The following RAD51B variants were observed in gnomAD, a reference collection of about 807,000 sequenced individuals.
RAD51B encodes DNA repair protein RAD51 homolog 2.
RAD51B carries 38 observed loss-of-function variants against 42.2 expected under a neutral mutation model. That is an observed-to-expected ratio of 0.90 (90% CI 0.70 to 1.18). RAD51B has a LOEUF of 1.18. Among genes scored for constraint, RAD51B ranks in the 50% most tolerant of loss-of-function variants. RAD51B has a pLI of 0.00. For synonymous variants in RAD51B, 154 were observed against 145.2 expected, an observed-to-expected ratio of 1.06 and a Z score of -0.43; for missense variants, 373 against 400.7, an observed-to-expected ratio of 0.93 and a Z score of 0.59.
chr14:68,053,499 G>T (rs897751146), intron 7 of RAD51B, among the ~76,000 whole-genome samples: 11 of 152,160 alleles, frequency 7.2e-5, no homozygotes, highest in Non-Finnish European at 1.5e-4. Flanking sequence ...CTGGCTTCTA[G>T]AAAATGCTCT....
At chr14:68,029,467 C>T (rs774689555) in intron 7 of RAD51B, among the ~76,000 whole-genome samples, 3 of 152,220 alleles carry the variant, frequency 2.0e-5, no homozygotes, top group Non-Finnish European at 2.9e-5. Flanking sequence ...TAAGATAGAT[C>T]CATAACTCTT....
intron 7 of RAD51B, among the ~76,000 whole-genome samples, chr14:68,005,571 G>A (rs75780739): frequency 0.06 from 9,099 of 152,200 alleles, 634 homozygotes; most frequent in African/African-American, 0.17. Flanking sequence ...AGTACTGGTT[G>A]CTGCACATTC....
intron 10 of RAD51B, among the ~76,000 whole-genome samples, chr14:68,627,843 T>C (rs556854219): frequency 6.6e-6 from 1 of 152,372 alleles, no homozygotes; most frequent in East Asian, 1.9e-4. Flanking sequence ...TCATTAATTA[T>C]ACATTTCTTG....
intron 3 of RAD51B, among the ~76,000 whole-genome samples, chr14:67,829,261 G>C (rs1198697292): frequency 3.6e-5 from 4 of 110,388 alleles, no homozygotes; most frequent in African/African-American, 6.7e-5. Context: ...TTTTTTTTTT[G>C]AGACAGAGTC....
intron 7 of RAD51B, among the ~76,000 whole-genome samples, chr14:67,892,741 G>A (rs1013365164): frequency 5.3e-5 from 8 of 152,188 alleles, no homozygotes; most frequent in African/African-American, 1.9e-4. Flanking sequence ...AAATAGCTGA[G>A]GTCATCTGCA....
At chr14:67,972,929 C>A (rs1324494991) in intron 7 of RAD51B, among the ~76,000 whole-genome samples, 1 of 152,072 alleles carries the variant, frequency 6.6e-6, no homozygotes, top group Non-Finnish European at 1.5e-5. Flanking sequence ...CTAAACATCC[C>A]TCAGTGATCA....
Position 68,212,510 on chromosome 14 carries a change from T to G in RAD51B, c.757-79374T>G, listed in dbSNP as rs115606746. Among the ~76,000 whole-genome samples, 1,136 of 152,346 alleles carry G rather than the reference T, an allele frequency of 7.5e-3. 12 individuals are homozygous for G. Among genetic ancestry groups the G allele is most frequent in the African/African-American group, 0.026 (1,075 of 41,578 alleles). On this transcript the variant is annotated intron_variant, in intron 7 of 10. Transcript: ENST00000471583. ...CAGCAGTTTGCTGAACAATTTGGAC[T>G]GGTTTAGAACCCTCCTAACTCACTA... is the stretch of plus-strand genomic sequence containing the variant.
chr14:68,648,313 T>C (rs1892627467), intron 10 of RAD51B, among the ~76,000 whole-genome samples: 1 of 148,138 alleles, frequency 6.8e-6, no homozygotes. Flanking sequence ...TTTATATGGC[T>C]GGTCTCCAAA....
intron 7 of RAD51B, among the ~76,000 whole-genome samples, chr14:68,197,775 C>T (rs1335524145): frequency 6.6e-6 from 1 of 152,056 alleles, no homozygotes; most frequent in Admixed American, 6.6e-5. Flanking sequence ...ATTAAGCACT[C>T]ACATATTCTT....
intron 10 of RAD51B, among the ~76,000 whole-genome samples, chr14:68,589,751 T>A (rs745789618): frequency 1.3e-5 from 2 of 152,208 alleles, no homozygotes; most frequent in Non-Finnish European, 2.9e-5. Flanking sequence ...TATGGCCTGT[T>A]TTTTCCATTC....
At chr14:68,613,804 C>T (rs1023221069), downstream of RAD51B, among the ~76,000 whole-genome samples, 2 of 152,104 alleles carry the variant, frequency 1.3e-5, no homozygotes, top group Admixed American at 6.6e-5. Flanking sequence ...CTTGGGAGGG[C>T]GAGTGGCAGC....
chr14:68,395,936 G>A (rs919430571), intron 8 of RAD51B, among the ~76,000 whole-genome samples: 8 of 152,188 alleles, frequency 5.3e-5, no homozygotes, highest in African/African-American at 1.4e-4. Context: ...AGACGAGTCC[G>A]TGGTAATGTC....
At chr14:68,387,992 T>C (rs2083638661) in intron 8 of RAD51B, among the ~76,000 whole-genome samples, 1 of 151,970 alleles carries the variant, frequency 6.6e-6, no homozygotes, top group Non-Finnish European at 1.5e-5. Context: ...ACATTTATTT[T>C]ACCAATTTCT....
chr14:68,054,217 C>T (rs2076438099), intron 7 of RAD51B, among the ~76,000 whole-genome samples: 1 of 152,054 alleles, frequency 6.6e-6, no homozygotes, highest in Non-Finnish European at 1.5e-5. Context: ...AGTTAAAATC[C>T]CTGAGCATGT....
At chr14:67,888,498 T>G (rs1595064038) in intron 7 of RAD51B, among the ~76,000 whole-genome samples, 1 of 152,018 alleles carries the variant, frequency 6.6e-6, no homozygotes, top group Non-Finnish European at 1.5e-5. Flanking sequence ...GAGGCTGAGG[T>G]GGGAGGATCA....
intron 5 of RAD51B, among the ~76,000 whole-genome samples, chr14:67,875,593 T>C (rs982540884): frequency 6.6e-6 from 1 of 152,232 alleles, no homozygotes; most frequent in Non-Finnish European, 1.5e-5. Flanking sequence ...CACAGGTTTG[T>C]AGCCTAGGAG....
In RAD51B at chr14:68,574,899, A is replaced by G. The variant is rs183318701; in HGVS notation, c.1037-19586A>G. On this transcript the variant is annotated intron_variant, in intron 10 of 10. Transcript: ENST00000487270. ...CCAGTAGCTATGAAGTGTGGGGGGG[A>G]TTGGGGAAATAAGCCCAGGAGCAAG... 4.6e-5 allele frequency among the ~76,000 whole-genome samples: 7 copies of G among 152,052 alleles called. No individual in the cohort carries two copies. The East Asian group carries it at 1.4e-3, about 29-fold the overall frequency.
chr14:68,210,516 G>T (rs2079684555), intron 7 of RAD51B, among the ~76,000 whole-genome samples: 1 of 152,024 alleles, frequency 6.6e-6, no homozygotes, highest in South Asian at 2.1e-4. Context: ...CAGGCCTTAG[G>T]TTACTTAAGG....
At chr14:68,237,732 CTTTTTT>C (rs57490316) in intron 7 of RAD51B, among the ~76,000 whole-genome samples, 2 of 74,096 alleles carry the variant, frequency 2.7e-5, no homozygotes, top group African/African-American at 1.0e-4. Flanking sequence ...TTTCATTTCT[CTTTTTT>C]TTTTTTTTTT....
Sources: gnomAD v4.1 joint callset for allele counts (sites outside exome capture counted in the v4.1 genomes callset) on GRCh38, gnomAD v4.1.1 for gene constraint, MANE v1.5 for transcripts, NCBI Gene and HGNC (gene_info 2026-07-23, HGNC 2026-07-21) for gene names.